NPAS3: variants seen among roughly 807,000 people sequenced by gnomAD.
NPAS3 encodes neuronal PAS domain protein 3.
In NPAS3, 14 loss-of-function variants were observed where a neutral mutation model predicts 73.1. The observed-to-expected ratio is 0.19, with a 90% CI of 0.13 to 0.30. The LOEUF (loss-of-function observed/expected upper bound fraction) is 0.30, where lower values mean the gene tolerates loss of function less well. Among genes scored for constraint, NPAS3 ranks in the 10% least tolerant of loss-of-function variants. NPAS3 has a pLI of 1.00. For synonymous variants in NPAS3, 620 were observed against 541.5 expected (o/e 1.14, Z -2.01); for missense variants, 1,096 against 1,250.0 (o/e 0.88, Z 1.86).
At chr14:33,487,565 A>G (rs1172900159) in intron 4 of NPAS3, among the ~76,000 whole-genome samples, 1 of 152,238 alleles carries the variant, frequency 6.6e-6, no homozygotes, top group Non-Finnish European at 1.5e-5. Flanking sequence ...AAAAAGGCTT[A>G]CAATATGAGT....
rs2042970599 is a variant in NPAS3, at chr14:33,113,703, T to C, written c.140+57709T>C. Reference sequence around the variant, plus strand: ...GCCCTGGCCAGAACTTCCAACACTATATTGAATAGGAGTGGTGAGAGAGGG... The same window carrying C: ...GCCCTGGCCAGAACTTCCAACACTACATTGAATAGGAGTGGTGAGAGAGGG... On this transcript the variant is annotated intron_variant, in intron 2 of 11. Transcript: ENST00000356141. Among the ~76,000 whole-genome samples the C allele has an allele frequency of 2.0e-5, 3 of 152,328 alleles. No individual in the cohort carries two copies. In the South Asian group the frequency reaches 6.2e-4, roughly 32 times the overall value.
intron 4 of NPAS3, among the ~76,000 whole-genome samples, chr14:33,518,520 T>A (rs888513063): frequency 2.0e-5 from 3 of 151,734 alleles, no homozygotes; most frequent in African/African-American, 7.2e-5. Flanking sequence ...TCTGCTTTAT[T>A]GCAATGCCTC....
intron 3 of NPAS3, among the ~76,000 whole-genome samples, chr14:33,318,348 G>C (rs1026571253): frequency 6.6e-6 from 1 of 152,068 alleles, no homozygotes; most frequent in African/African-American, 2.4e-5. Context: ...AGGGTAGCGA[G>C]GAATGGGGAA....
At chr14:33,315,610 T>A (rs574441635) in intron 3 of NPAS3, among the ~76,000 whole-genome samples, 1 of 151,634 alleles carries the variant, frequency 6.6e-6, no homozygotes, top group South Asian at 2.1e-4. Flanking sequence ...AGATGCAGAG[T>A]ACTATAGGTG....
chr14:33,074,562 G>A (rs1441906724), intron 2 of NPAS3, among the ~76,000 whole-genome samples: 1 of 152,090 alleles, frequency 6.6e-6, no homozygotes, highest in Admixed American at 6.5e-5. Flanking sequence ...GATTACAGGT[G>A]CATGCCACCA....
chr14:33,031,492 CTGTT>C (rs1425045370), intron 1 of NPAS3, among the ~76,000 whole-genome samples: 6 of 152,006 alleles, frequency 3.9e-5, no homozygotes, highest in Non-Finnish European at 8.8e-5. Context: ...ATGTGCTTTT[CTGTT>C]TGTTTGTTTT....
chr14:33,231,809 A>C (rs2139776541), intron 3 of NPAS3, among the ~76,000 whole-genome samples: 1 of 152,284 alleles, frequency 6.6e-6, no homozygotes, highest in Admixed American at 6.5e-5. Context: ...TCTTTAAGTA[A>C]ACTTAGATGC....
In NPAS3 at chr14:33,454,258, A is replaced by G. The variant is rs140605286; in HGVS notation, c.468+86990A>G. Among the ~76,000 whole-genome samples, 536 of 152,380 alleles carry G rather than the reference A, an allele frequency of 3.5e-3. 4 individuals are homozygous for G. The highest frequency in any genetic ancestry group is 0.012 in the African/African-American group (507 of 41,596). Reference sequence around the variant, plus strand: ...TTTGTTTTTAAACTTTAAACATTTTATCACAGAAGGAATGCATGATTATTT... The same window carrying G: ...TTTGTTTTTAAACTTTAAACATTTTGTCACAGAAGGAATGCATGATTATTT... On this transcript the variant is annotated intron_variant, in intron 4 of 11. Coordinates refer to ENST00000356141, the Ensembl canonical transcript of NPAS3.
intron 1 of NPAS3, among the ~76,000 whole-genome samples, chr14:32,966,436 A>G: frequency 6.6e-6 from 1 of 152,238 alleles, no homozygotes; most frequent in East Asian, 1.9e-4. Flanking sequence ...GATGTCAAGA[A>G]TACACATTAG....
intron 7 of NPAS3, among the ~76,000 whole-genome samples, chr14:33,738,358 C>A (rs1034838412): frequency 5.3e-5 from 8 of 152,152 alleles, no homozygotes. Flanking sequence ...CATGAGCTGA[C>A]CTCAACATAT....
chr14:33,215,688 A>T, intron 3 of NPAS3: 2 of 657,938 alleles, frequency 3.0e-6, no homozygotes, highest in Non-Finnish European at 5.4e-6. Flanking sequence ...AAATGAAATG[A>T]CACATTAAAA....
At chr14:32,966,647 G>A (rs2037174977) in intron 1 of NPAS3, among the ~76,000 whole-genome samples, 1 of 75,544 alleles carries the variant, frequency 1.3e-5, no homozygotes, top group Non-Finnish European at 3.0e-5. Flanking sequence ...GCGGGCGCCT[G>A]TAGTCCCAGC....
At chr14:33,624,867 T>A (rs902201371) in intron 5 of NPAS3, among the ~76,000 whole-genome samples, 16 of 152,204 alleles carry the variant, frequency 1.1e-4, no homozygotes, top group Non-Finnish European at 1.0e-4. Context: ...AACTACTTCC[T>A]GCCTACTCCT....
chr14:33,331,942 C>T (rs1485548036), intron 3 of NPAS3, among the ~76,000 whole-genome samples: 3 of 152,286 alleles, frequency 2.0e-5, no homozygotes, highest in South Asian at 2.1e-4. Context: ...TATGCCAAGA[C>T]GAAATGCTCA....
At chr14:33,799,989 T>C (rs1406595298) in exon 12 of NPAS3, 2 of 1,613,302 alleles carry the variant, frequency 1.2e-6, no homozygotes, top group African/African-American at 1.3e-5. Context: ...GAGCGCTACG[T>C]GGAGAGCGAG....
intron 9 of NPAS3, among the ~76,000 whole-genome samples, chr14:33,790,787 G>C (rs1035241810): frequency 2.0e-5 from 3 of 152,096 alleles, no homozygotes; most frequent in Non-Finnish European, 2.9e-5. Context: ...TTGTGCCTCA[G>C]CCTCCCTCAC....
chr14:33,154,671 G>A (rs958756236), intron 2 of NPAS3, among the ~76,000 whole-genome samples: 3 of 152,216 alleles, frequency 2.0e-5, no homozygotes, highest in Admixed American at 6.5e-5. Flanking sequence ...AATATGCAAT[G>A]ACAGCAGTCC....
At chr14:33,239,042 T>C (rs890419987) in intron 3 of NPAS3, among the ~76,000 whole-genome samples, 25 of 151,956 alleles carry the variant, frequency 1.6e-4, no homozygotes, top group African/African-American at 5.8e-4. Context: ...TTCAACAGGC[T>C]TCGAGTGAGC....
chr14:33,609,165 G>GAA (rs113559106), intron 5 of NPAS3, among the ~76,000 whole-genome samples: 7 of 149,328 alleles, frequency 4.7e-5, no homozygotes, highest in Admixed American at 2.7e-4. Flanking sequence ...ATTATTTAAA[G>GAA]AAAAAAAAAA....
Sources: gnomAD v4.1 joint callset for allele counts (sites outside exome capture counted in the v4.1 genomes callset) on GRCh38, gnomAD v4.1.1 for gene constraint, MANE v1.5 for transcripts, NCBI Gene and HGNC (gene_info 2026-07-23, HGNC 2026-07-21) for gene names.